Variants in METTL8 observed in about 807,000 individuals in gnomAD.
METTL8 encodes the protein methyltransferase 8, tRNA N3-cytidine, also known as tRNA N(3)-cytidine methyltransferase METTL8, mitochondrial.
METTL8 carries 32 observed loss-of-function variants against 48.7 expected under a neutral mutation model. The ratio of observed to expected loss-of-function variants is 0.66; its 90% CI spans 0.50 to 0.88. The LOEUF is 0.88. Among genes scored for constraint, METTL8 ranks in the 40% least tolerant of loss-of-function variants. METTL8 has a pLI of 0.00. For missense variants in METTL8, 464 were observed against 474.4 expected, an observed-to-expected ratio of 0.98 and a Z score of 0.20; for synonymous variants, 136 against 157.1, an observed-to-expected ratio of 0.87 and a Z score of 1.01.
At chr2:171,386,844 A>G (rs1688102229) in intron 2 of METTL8, among the ~76,000 whole-genome samples, 1 of 151,794 alleles carries the variant, frequency 6.6e-6, no homozygotes. Context: ...CTCCCCCCAG[A>G]CCCCAGCAGG....
At chr2:171,389,510 C>T (rs1437445014) in intron 2 of METTL8, among the ~76,000 whole-genome samples, 1 of 76,984 alleles carries the variant, frequency 1.3e-5, no homozygotes, top group African/African-American at 5.3e-5. Context: ...GTCTCCCTGT[C>T]TCACAAAAAA....
Position 171,321,838 on chromosome 2 carries a change from C to A in METTL8, c.*2334G>T, listed in dbSNP as rs1381385155. The A allele has an allele frequency of 6.6e-6, 1 of 151,978 alleles. No individual in the cohort carries two copies. Among genetic ancestry groups the A allele is most frequent in the African/African-American group, 2.4e-5 (1 of 41,336 alleles). The allele number at this position is 151,978 out of a possible 1,614,324, so 9.4% of individuals were successfully genotyped here. ...TCATATTATTCCACTGAATTTAGCA[C>A]TCAATATGTAAGTAGTCAATAAATA... On this transcript the variant is annotated 3_prime_UTR_variant, in exon 10 of 10. Coordinates refer to ENST00000375258, the MANE Select transcript of METTL8 (RefSeq NM_001321154.2).
At chr2:171,405,032 G>A (rs1268115233) in intron 1 of METTL8, among the ~76,000 whole-genome samples, 1 of 152,152 alleles carries the variant, frequency 6.6e-6, no homozygotes, top group Non-Finnish European at 1.5e-5. Context: ...TGGCTTGCAT[G>A]GCTGAGTAGA....
At chr2:171,388,357 T>C (rs1297498182) in intron 2 of METTL8, among the ~76,000 whole-genome samples, 1 of 152,226 alleles carries the variant, frequency 6.6e-6, no homozygotes, top group African/African-American at 2.4e-5. Context: ...ATACTTCAGC[T>C]ATGAATTCAG....
At chr2:171,392,226 A>C (rs749976458) in intron 1 of METTL8, 29 bp from the exon 2 acceptor site, 56 of 1,530,846 alleles carry the variant, frequency 3.7e-5, no homozygotes, top group Non-Finnish European at 4.5e-5. Flanking sequence ...TTAATTAGTC[A>C]ACATAGATTA....
upstream of METTL8, chr2:171,434,300 G>A (rs527577790): frequency 3.5e-5 from 21 of 608,396 alleles, no homozygotes; most frequent in African/African-American, 2.7e-4. Flanking sequence ...CGGCCGCGCG[G>A]TACCGGAGCG....
At chr2:171,406,122 C>T (rs147731937) in intron 1 of METTL8, among the ~76,000 whole-genome samples, 431 of 152,220 alleles carry the variant, frequency 2.8e-3, no homozygotes, top group African/African-American at 9.4e-3. Context: ...ATGATTGAAG[C>T]CAGAGGTGAA....
At chr2:171,424,450 G>A (rs1293372715) in intron 1 of METTL8, among the ~76,000 whole-genome samples, 1 of 152,246 alleles carries the variant, frequency 6.6e-6, no homozygotes, top group Non-Finnish European at 1.5e-5. Flanking sequence ...GACAGGGGCT[G>A]TACCCTGCAA....
intron 7 of METTL8, among the ~76,000 whole-genome samples, chr2:171,330,314 G>A (rs960088421): frequency 8.5e-4 from 130 of 152,166 alleles, no homozygotes; most frequent in African/African-American, 3.1e-3. Flanking sequence ...ATAGGTATGT[G>A]TCTTGCCAGA....
At position 171,324,178 on chromosome 2, in the gene METTL8, T is replaced by C. The variant is rs1684693507; in HGVS notation, c.1218A>G (p.Gln406=). 2 of 1,547,880 alleles carry C rather than the reference T, an allele frequency of 1.3e-6. No individual in the cohort carries two copies. Among genetic ancestry groups the C allele is most frequent in the East Asian group, 2.4e-5 (1 of 40,900 alleles). ...CCTTAACATGTTACAAAGTTCAGTC[T>C]TGTGAAAGGAGTGTAGATACCATAT... The part of the protein sequence containing the change: ...SSNMVSTLLS[Q]D The change falls in exon 10 of 10, where the codon CAA becomes CAG. Residue 406 remains glutamine (Q), a synonymous_variant. Transcript: ENST00000375258.
chr2:171,324,259 T>C lies in METTL8; in HGVS notation c.1137A>G (p.Arg379=). Residue 379 remains arginine, a synonymous_variant, in exon 10 of 10, where the codon CGA becomes CGG. Coordinates refer to ENST00000375258, the MANE Select transcript of METTL8 (RefSeq NM_001321154.2). The part of the protein sequence containing the change: ...VNRKKQVKMH[R]VWIQGKFQKP... Reference sequence around the variant, plus strand: ...TCTGGAATTTGCCTTGAATCCACACTCGGTGCATTTTCACTTGTTTTTTCC... The same window carrying C: ...TCTGGAATTTGCCTTGAATCCACACCCGGTGCATTTTCACTTGTTTTTTCC... 6.4e-7 allele frequency: 1 copy of C among 1,551,570 alleles called. No homozygotes were observed.
chr2:171,428,274 T>C (rs1440378116), intron 1 of METTL8, among the ~76,000 whole-genome samples: 1 of 152,204 alleles, frequency 6.6e-6, no homozygotes, highest in Admixed American at 6.5e-5. Context: ...ATTTAAGTTT[T>C]TTTGAAAGTT....
chr2:171,327,028 C>T (rs1685033497), intron 7 of METTL8: 1 of 152,214 alleles, frequency 6.6e-6, no homozygotes, highest in Admixed American at 6.5e-5. Flanking sequence ...TCTGAAGCAG[C>T]TCCCCTAGCC....
chr2:171,341,262 A>T lies in METTL8; in HGVS notation c.236-1708T>A, dbSNP rs531692182. 2.7e-5 allele frequency among the ~76,000 whole-genome samples: 4 copies of T among 150,574 alleles called. No individual in the cohort carries two copies. In the South Asian group the frequency reaches 8.5e-4, roughly 32 times the overall value. ...AGAATCACTTGAACCTGGGAGGCGG[A>T]GGTTGCAGTGAGCCGAGATCACGCC... On this transcript the variant is annotated intron_variant, in intron 3 of 9. Coordinates refer to ENST00000375258, the MANE Select transcript of METTL8 (RefSeq NM_001321154.2).
intron 1 of METTL8, among the ~76,000 whole-genome samples, chr2:171,398,463 T>TA (rs1689326116): frequency 2.0e-5 from 3 of 151,890 alleles, no homozygotes; most frequent in Admixed American, 2.0e-4. Flanking sequence ...GTCAAACCGA[T>TA]AGAGACAGGA....
Position 171,413,628 on chromosome 2 carries a change from G to A in METTL8, c.-13+20255C>T, listed in dbSNP as rs137978970. On this transcript the variant is annotated intron_variant, in intron 1 of 9. Transcript: ENST00000375258. ...TTTTTTCTTAGGTTACATTTCAAAT[G>A]TAGTAAATATCCATAGCTACAAGCC... 3.2e-4 allele frequency among the ~76,000 whole-genome samples: 49 copies of A among 152,236 alleles called. No individual in the cohort carries two copies. In the East Asian group the frequency reaches 7.1e-3, roughly 22 times the overall value.
chr2:171,379,492 T>C (rs1429050696), intron 2 of METTL8, among the ~76,000 whole-genome samples: 2 of 147,848 alleles, frequency 1.4e-5, no homozygotes, highest in Non-Finnish European at 3.0e-5. Context: ...TTTGAAAAAA[T>C]TGATAAAATA....
intron 2 of METTL8, among the ~76,000 whole-genome samples, chr2:171,391,042 A>G (rs1163922245): frequency 6.6e-6 from 1 of 152,218 alleles, no homozygotes; most frequent in Non-Finnish European, 1.5e-5. Flanking sequence ...AGGGAGAGTC[A>G]GTTGATGATG....
At chr2:171,434,269 C>T (rs1162046299), upstream of METTL8, 2 of 533,630 alleles carry the variant, frequency 3.7e-6, no homozygotes, top group East Asian at 4.7e-5. Flanking sequence ...CTACATTTCC[C>T]GGTGAGAGAG....
Sources: gnomAD v4.1 joint callset for allele counts (sites outside exome capture counted in the v4.1 genomes callset) on GRCh38, gnomAD v4.1.1 for gene constraint, MANE v1.5 for transcripts, NCBI Gene and HGNC (gene_info 2026-07-23, HGNC 2026-07-21) for gene names.